PBRM1: variants seen among roughly 807,000 people sequenced by gnomAD.
The protein encoded by PBRM1 is polybromo 1.
In PBRM1, 27 loss-of-function variants were observed where a neutral mutation model predicts 194.5. The observed-to-expected ratio is 0.14, with a 90% CI of 0.10 to 0.19. The LOEUF (loss-of-function observed/expected upper bound fraction) is 0.19, where lower values mean the gene tolerates loss of function less well. PBRM1 is among the 10% of genes least tolerant of loss of function. The pLI is 1.00. For synonymous variants in PBRM1, 655 were observed against 693.2 expected (o/e 0.94, Z 0.87); for missense variants, 1,466 against 2,077.2 (o/e 0.71, Z 5.72).
intron 20 of PBRM1, chr3:52,586,208 A>G: frequency 2.5e-6 from 1 of 394,782 alleles, no homozygotes; most frequent in Non-Finnish European, 4.5e-6. Flanking sequence ...TGCTGGGATT[A>G]CAGGCGTGAA....
chr3:52,605,950 T>C (rs879635839), intron 16 of PBRM1, among the ~76,000 whole-genome samples: 1 of 151,612 alleles, frequency 6.6e-6, no homozygotes, highest in African/African-American at 2.4e-5. Flanking sequence ...TGCTAATACT[T>C]GTAGGAAAGC....
chr3:52,566,484 A>G (rs1407921943), intron 22 of PBRM1, among the ~76,000 whole-genome samples: 3 of 152,214 alleles, frequency 2.0e-5, no homozygotes, highest in African/African-American at 7.2e-5. Flanking sequence ...CAGCCTTAGG[A>G]ATAAAATTCT....
intron 29 of PBRM1, among the ~76,000 whole-genome samples, chr3:52,549,119 A>C (rs1469368305): frequency 6.6e-6 from 1 of 151,968 alleles, no homozygotes; most frequent in African/African-American, 2.4e-5. Context: ...CTCCGGGTTC[A>C]AATGATTCTC....
chr3:52,612,233 T>C (rs1381211093), intron 15 of PBRM1, among the ~76,000 whole-genome samples: 3 of 110,706 alleles, frequency 2.7e-5, no homozygotes, highest in Non-Finnish European at 5.0e-5. Context: ...GACTCCAGCC[T>C]AGGCAACAGA....
intron 29 of PBRM1, 79 bp from the exon 32 acceptor site, chr3:52,548,314 C>T: frequency 1.1e-6 from 1 of 904,900 alleles, no homozygotes; most frequent in African/African-American, 1.7e-5. Context: ...GTCTGACGAA[C>T]TTATTAAAAC....
chr3:52,600,108 C>CA (rs2093885623), intron 17 of PBRM1, among the ~76,000 whole-genome samples: 1 of 152,074 alleles, frequency 6.6e-6, no homozygotes, highest in African/African-American at 2.4e-5. Context: ...ATGATCAAGT[C>CA]AGGGTATTTG....
intron 7 of PBRM1, among the ~76,000 whole-genome samples, chr3:52,647,460 ATATATATATATATAT>A (rs2096351277): frequency 0.023 from 1,023 of 45,148 alleles, 10 homozygotes; most frequent in Non-Finnish European, 0.034. Flanking sequence ...AAAAAAAAAT[ATATATATATATATAT>A]ATATATATAT....
intron 16 of PBRM1, among the ~76,000 whole-genome samples, chr3:52,605,721 G>T (rs1248328787): frequency 6.6e-6 from 1 of 150,930 alleles, no homozygotes; most frequent in Non-Finnish European, 1.5e-5. Flanking sequence ...TCCTGCCTCA[G>T]CCTCTCAAGT....
At chr3:52,624,811 G>C in intron 13 of PBRM1, 86 bp downstream of exon 15, 1 of 882,862 alleles carries the variant, frequency 1.1e-6, no homozygotes, top group Non-Finnish European at 1.8e-6. Context: ...CATGCTTAAG[G>C]CTTCACTTTT....
intron 5 of PBRM1, among the ~76,000 whole-genome samples, chr3:52,656,292 G>T (rs1033972000): frequency 6.6e-6 from 1 of 151,984 alleles, no homozygotes; most frequent in Admixed American, 6.6e-5. Flanking sequence ...AGATCAAAGA[G>T]AATTAAAAGG....
intron 7 of PBRM1, among the ~76,000 whole-genome samples, chr3:52,646,579 T>C (rs2096295125): frequency 6.6e-6 from 1 of 152,164 alleles, no homozygotes; most frequent in Admixed American, 6.5e-5. Flanking sequence ...ACCAAGAATC[T>C]AGAAATAAAC....
intron 13 of PBRM1, among the ~76,000 whole-genome samples, chr3:52,621,311 C>T (rs979836590): frequency 1.3e-5 from 2 of 152,116 alleles, no homozygotes; most frequent in African/African-American, 4.8e-5. Context: ...AGGTGCCTGC[C>T]ACCACGCCTG....
intron 17 of PBRM1, among the ~76,000 whole-genome samples, chr3:52,595,704 G>GT (rs2093476355): frequency 6.6e-6 from 1 of 152,114 alleles, no homozygotes; most frequent in Admixed American, 6.5e-5. Context: ...TTTTGCTTTG[G>GT]TTGCCTGTGC....
chr3:52,587,570 C>CTTTTTTTT, intron 18 of PBRM1, 60 bp from the exon 21 acceptor site: 1 of 731,656 alleles, frequency 1.4e-6, no homozygotes, highest in East Asian at 3.1e-5. Context: ...ACAGAAATCA[C>CTTTTTTTT]TTTTTTTTTT....
chr3:52,579,996 C>T (rs1234548010), intron 20 of PBRM1, among the ~76,000 whole-genome samples: 1 of 152,138 alleles, frequency 6.6e-6, no homozygotes, highest in East Asian at 1.9e-4. Flanking sequence ...AACCCCAGCA[C>T]ACTGGGAGGA....
chr3:52,623,457 G>C lies in PBRM1; in HGVS notation c.1541+3816C>G, dbSNP rs528183976. ...AACCCAAACGTTCTTTCTTTTACAA[G>C]GCTTGCTATATTTCACCTTCAAGTC... On this transcript the variant is annotated intron_variant, in intron 13 of 29. Coordinates refer to ENST00000296302, the Ensembl canonical transcript of PBRM1. 3.5e-4 allele frequency among the ~76,000 whole-genome samples: 53 copies of C among 152,218 alleles called. No individual in the cohort carries two copies. The East Asian group carries it at 7.7e-3, about 22-fold the overall frequency.
chr3:52,564,130 G>A (rs916673231), exon 23 of PBRM1: 1 of 1,613,756 alleles, frequency 6.2e-7, no homozygotes, highest in Non-Finnish European at 8.5e-7. Flanking sequence ...TCATCTGCTT[G>A]TCGCTCTCAT....
chr3:52,650,734 A>C (rs539210667), intron 6 of PBRM1, among the ~76,000 whole-genome samples: 1 of 152,334 alleles, frequency 6.6e-6, no homozygotes, highest in East Asian at 1.9e-4. Context: ...TAGTGATACT[A>C]CACGCAACAT....
intron 11 of PBRM1, among the ~76,000 whole-genome samples, chr3:52,631,760 A>G (rs575024981): frequency 1.7e-4 from 26 of 152,158 alleles, no homozygotes; most frequent in Non-Finnish European, 3.1e-4. Context: ...GACCAATTAA[A>G]CTATTTTTCT....
Sources: gnomAD v4.1 joint callset for allele counts (sites outside exome capture counted in the v4.1 genomes callset) on GRCh38, gnomAD v4.1.1 for gene constraint, MANE v1.5 for transcripts, NCBI Gene and HGNC (gene_info 2026-07-23, HGNC 2026-07-21) for gene names.